DPY19L3: variants seen among roughly 807,000 people sequenced by gnomAD.
The protein encoded by DPY19L3 is protein C-mannosyl-transferase DPY19L3.
Under a neutral mutation model 92.3 loss-of-function variants are expected in DPY19L3, and 51 were observed. That is an observed-to-expected ratio of 0.55 (90% confidence interval 0.44 to 0.70). The LOEUF (loss-of-function observed/expected upper bound fraction) is 0.70, where lower values mean the gene tolerates loss of function less well. Among genes scored for constraint, DPY19L3 ranks in the 30% least tolerant of loss-of-function variants. The pLI, the probability that DPY19L3 is intolerant of heterozygous loss-of-function variation, is 0.00. For missense variants in DPY19L3, 706 were observed against 855.9 expected (o/e 0.82, Z 2.18); for synonymous variants, 309 against 315.2 (o/e 0.98, Z 0.21).
Position 32,435,279 on chromosome 19 carries a change from C to T in DPY19L3, c.329-1167C>T, listed in dbSNP as rs376757407. ...CTTTATTACCTCCTGTAGGCCCTGT[C>T]TCCAAGAACAGTCATATTAGGGCTT... On this transcript the variant is annotated intron_variant, in intron 4 of 18. Coordinates refer to ENST00000392250, the MANE Select transcript of DPY19L3 (RefSeq NM_001172774.2). 6.6e-5 allele frequency among the ~76,000 whole-genome samples: 10 copies of T among 152,346 alleles called. No homozygotes were observed. The East Asian group carries it at 1.4e-3, about 21-fold the overall frequency.
chr19:32,455,150 C>T lies in DPY19L3; in HGVS notation c.1089+110C>T, dbSNP rs1441692023. ...TTTAATAAACTAATTGTTTTAGAGA[C>T]AGGGTCTTGCCGTTTCCTAGGCTGG... On this transcript the variant is annotated intron_variant, in intron 10 of 18. Coordinates refer to ENST00000392250, the MANE Select transcript of DPY19L3 (RefSeq NM_001172774.2). 6 of 736,426 alleles carry T rather than the reference C, an allele frequency of 8.1e-6. No individual in the cohort carries two copies. In the Admixed American group the frequency reaches 1.6e-4, roughly 19 times the overall value. The allele number at this position is 736,426 out of a possible 1,614,324, so 45.6% of individuals were successfully genotyped here.
intron 3 of DPY19L3, among the ~76,000 whole-genome samples, chr19:32,430,095 A>G (rs535538747): frequency 1.3e-4 from 20 of 152,332 alleles, no homozygotes; most frequent in Non-Finnish European, 1.2e-4. Context: ...TGTTATTGAA[A>G]TTAAATTTTA....
chr19:32,463,804 T>C, intron 13 of DPY19L3, 65 bp from the exon 14 acceptor site: 1 of 1,341,336 alleles, frequency 7.5e-7, no homozygotes, highest in Non-Finnish European at 1.1e-6. Context: ...CCTTTATAGG[T>C]GTCTCAGAAT....
chr19:32,467,022 A>T (rs1970221978), intron 15 of DPY19L3, among the ~76,000 whole-genome samples: 1 of 152,196 alleles, frequency 6.6e-6, no homozygotes, highest in Non-Finnish European at 1.5e-5. Flanking sequence ...TTTCTTGTTC[A>T]TACTACCAAT....
chr19:32,463,453 C>A lies in DPY19L3; in HGVS notation c.1410C>A (p.Thr470=), dbSNP rs747919844. ...AAACTGCCTACAACTTAATACATAC[C>A]ATTCTGTTTGGATTCTTGGCATTGA... is the stretch of plus-strand genomic sequence containing the variant. The part of the protein sequence containing the change: ...KPETAYNLIH[T]ILFGFLALST... The change falls in exon 13 of 19, where the codon ACC becomes ACA. Residue 470 remains threonine (T), a synonymous_variant. Coordinates refer to ENST00000392250, the MANE Select transcript of DPY19L3 (RefSeq NM_001172774.2). 1 of 1,613,336 alleles carries A rather than the reference C, an allele frequency of 6.2e-7. No homozygotes were observed. Among genetic ancestry groups the A allele is most frequent in the Admixed American group, 1.7e-5 (1 of 59,908 alleles).
intron 1 of DPY19L3, among the ~76,000 whole-genome samples, chr19:32,406,563 G>T (rs1024568622): frequency 9.2e-5 from 14 of 151,920 alleles, no homozygotes; most frequent in African/African-American, 3.4e-4. Context: ...TGTTCCCCAG[G>T]CTGGTCTCAA....
chr19:32,421,047 CTT>C (rs1968551815), intron 3 of DPY19L3, among the ~76,000 whole-genome samples: 2 of 152,062 alleles, frequency 1.3e-5, no homozygotes, highest in Non-Finnish European at 2.9e-5. Context: ...TTTCACAAAA[CTT>C]TTATAATTAT....
At position 32,464,714 on chromosome 19, in the gene DPY19L3, T is replaced by G; in HGVS notation, c.1558-14T>G. On this transcript the variant is annotated splice_polypyrimidine_tract_variant and intron_variant, in intron 14 of 18. Coordinates refer to ENST00000392250, the MANE Select transcript of DPY19L3 (RefSeq NM_001172774.2). ...CAAAATACTTATAATCTAAATAATGTCTTTCTTATATAGATATGTATAATG... is the reference window on the plus strand; with the variant it reads ...CAAAATACTTATAATCTAAATAATGGCTTTCTTATATAGATATGTATAATG... 7.2e-7 allele frequency: 1 copy of G among 1,392,404 alleles called. No individual in the cohort carries two copies. The highest frequency in any genetic ancestry group is 1.3e-5 in the South Asian group (1 of 76,156). The allele number at this position is 1,392,404 out of a possible 1,614,324, so 86.3% of individuals were successfully genotyped here.
In DPY19L3 at chr19:32,434,911, A is replaced by G. The variant is rs888535727; in HGVS notation, c.329-1535A>G. Among the ~76,000 whole-genome samples, 7 of 152,306 alleles carry G rather than the reference A, an allele frequency of 4.6e-5. No homozygotes were observed. In the South Asian group the frequency reaches 8.3e-4, roughly 18 times the overall value. ...GCCACTAATCCCATCATGAGGGCCC[A>G]TAACTGTCCAACTCTTAGGTTGGAG... On this transcript the variant is annotated intron_variant, in intron 4 of 18. Transcript: ENST00000392250.
rs754097321 is a variant in DPY19L3 at position 32,432,716 on chromosome 19, G to C, written c.238G>C (p.Glu80Gln). 6.2e-7 allele frequency: 1 copy of C among 1,613,474 alleles called. No homozygotes were observed. ...CCCATAGGATCTAACTCTGTTTTAGGAAGTGGAGCGAGAAATCTCATTCAG... is the reference window on the plus strand; with the variant it reads ...CCCATAGGATCTAACTCTGTTTTAGCAAGTGGAGCGAGAAATCTCATTCAG... ...ENDLWFSNIK[E>Q]VEREISFRTE... The change falls in exon 4 of 19, where the codon GAA (glutamate) becomes CAA (glutamine). Residue 80 changes from glutamate to glutamine, a missense_variant and splice_region_variant. Transcript: ENST00000392250.
At chr19:32,407,447 G>A (rs1968010633) in intron 1 of DPY19L3, among the ~76,000 whole-genome samples, 1 of 152,154 alleles carries the variant, frequency 6.6e-6, no homozygotes, top group South Asian at 2.1e-4. Flanking sequence ...TCAAAATCCG[G>A]TTGTCAACAC....
In DPY19L3 at chr19:32,453,086, C is replaced by A. The variant is rs1024637327; in HGVS notation, c.856-59C>A. 3 of 1,593,288 alleles carry A rather than the reference C, an allele frequency of 1.9e-6. No individual in the cohort carries two copies. In the East Asian group the frequency reaches 6.7e-5, roughly 36 times the overall value. On this transcript the variant is annotated intron_variant, in intron 8 of 18. Coordinates refer to ENST00000392250, the MANE Select transcript of DPY19L3 (RefSeq NM_001172774.2). ...TGTATCCACCTCATGACCAACATGTCGACATGTGATGATCTCTTGGTAAAA... is the reference window on the plus strand; with the variant it reads ...TGTATCCACCTCATGACCAACATGTAGACATGTGATGATCTCTTGGTAAAA...
chr19:32,429,099 A>G (rs991114689), intron 3 of DPY19L3, among the ~76,000 whole-genome samples: 28 of 152,278 alleles, frequency 1.8e-4, no homozygotes, highest in African/African-American at 6.3e-4. Flanking sequence ...CACCCGCCTC[A>G]GCCTCCCAAA....
At chr19:32,478,768 G>A (rs1970587271) in intron 17 of DPY19L3, among the ~76,000 whole-genome samples, 1 of 152,180 alleles carries the variant, frequency 6.6e-6, no homozygotes, top group African/African-American at 2.4e-5. Context: ...ATTTTACATG[G>A]ATGTGGCATA....
At chr19:32,466,752 T>G (rs951360075) in intron 15 of DPY19L3, among the ~76,000 whole-genome samples, 6 of 152,244 alleles carry the variant, frequency 3.9e-5, no homozygotes, top group African/African-American at 1.4e-4. Context: ...TGGCCTAGTC[T>G]CTCTTGATAC....
intron 1 of DPY19L3, chr19:32,406,217 G>A (rs931195390): frequency 1.3e-5 from 2 of 152,332 alleles, no homozygotes; most frequent in African/African-American, 2.4e-5. Flanking sequence ...GGGAGAGCTG[G>A]GGCGCGTGCC....
chr19:32,428,376 G>A (rs574972556), intron 3 of DPY19L3, among the ~76,000 whole-genome samples: 9 of 152,020 alleles, frequency 5.9e-5, no homozygotes, highest in African/African-American at 2.2e-4. Context: ...GGACCATTGC[G>A]ATAGATGTAG....
At chr19:32,459,328 A>C (rs1315159602) in intron 12 of DPY19L3, among the ~76,000 whole-genome samples, 2 of 152,214 alleles carry the variant, frequency 1.3e-5, no homozygotes, top group Non-Finnish European at 1.5e-5. Flanking sequence ...GTGAAAACTT[A>C]ATGAAGCTCA....
At chr19:32,430,706 C>G (rs572506322) in intron 3 of DPY19L3, among the ~76,000 whole-genome samples, 1 of 152,056 alleles carries the variant, frequency 6.6e-6, no homozygotes, top group East Asian at 1.9e-4. Context: ...GCCTCAGCCT[C>G]CCAGTAGGCT....
Sources: gnomAD v4.1 joint callset for allele counts (sites outside exome capture counted in the v4.1 genomes callset) on GRCh38, gnomAD v4.1.1 for gene constraint, MANE v1.5 for transcripts, NCBI Gene and HGNC (gene_info 2026-07-23, HGNC 2026-07-21) for gene names.